MORC3: variants seen among roughly 807,000 people sequenced by gnomAD.
MORC3 encodes the protein MORC family CW-type zinc finger 3, also known as MORC family CW-type zinc finger protein 3.
In MORC3, 31 loss-of-function variants were observed where a neutral mutation model predicts 109.1. That is an observed-to-expected ratio of 0.28 (90% CI 0.21 to 0.38). The LOEUF (loss-of-function observed/expected upper bound fraction) is 0.38. MORC3 is among the 10% of genes least tolerant of loss of function. The pLI is 1.00. For synonymous variants in MORC3, 395 were observed against 380.7 expected, an observed-to-expected ratio of 1.04 and a Z score of -0.44; for missense variants, 867 against 1,135.8, an observed-to-expected ratio of 0.76 and a Z score of 3.40.
intron 1 of MORC3, among the ~76,000 whole-genome samples, chr21:36,321,469 C>G (rs559527188): frequency 6.6e-6 from 1 of 151,204 alleles, no homozygotes; most frequent in South Asian, 2.1e-4. Context: ...AAAGGTCCAT[C>G]CTTTCGTTAT....
chr21:36,358,160 G>A (rs373927878), intron 10 of MORC3, among the ~76,000 whole-genome samples: 1 of 150,590 alleles, frequency 6.6e-6, no homozygotes, highest in Non-Finnish European at 1.5e-5. Flanking sequence ...CGAGGCGGGC[G>A]GATCACTTGA....
intron 14 of MORC3, among the ~76,000 whole-genome samples, chr21:36,367,494 C>G (rs568951635): frequency 2.6e-5 from 4 of 152,084 alleles, no homozygotes; most frequent in African/African-American, 9.7e-5. Flanking sequence ...ATAAATAAAT[C>G]ATTTAGAATG....
intron 1 of MORC3, among the ~76,000 whole-genome samples, chr21:36,320,964 A>G (rs566004175): frequency 5.4e-4 from 83 of 152,324 alleles, no homozygotes; most frequent in African/African-American, 1.9e-3. Flanking sequence ...GTCACACAAG[A>G]TAACTTGAAA....
At chr21:36,344,148 G>T (rs963718411) in intron 6 of MORC3, among the ~76,000 whole-genome samples, 3 of 149,984 alleles carry the variant, frequency 2.0e-5, no homozygotes, top group Admixed American at 6.6e-5. Context: ...TTTTTGAGGT[G>T]GGGGGGTCTC....
chr21:36,365,326 A>ATG (rs2085768153), intron 14 of MORC3, among the ~76,000 whole-genome samples: 1 of 152,198 alleles, frequency 6.6e-6, no homozygotes, highest in Admixed American at 6.5e-5. Context: ...ATTTAATAGA[A>ATG]TGAAGACAAG....
At chr21:36,339,514 AAAAAAAG>A (rs1209510872) in intron 5 of MORC3, 2 of 146,540 alleles carry the variant, frequency 1.4e-5, no homozygotes, top group Non-Finnish European at 3.0e-5. Context: ...AAAAAAAAAA[AAAAAAAG>A]AAAAAAGAAA....
At chr21:36,350,210 G>A (rs1370438874) in intron 9 of MORC3, among the ~76,000 whole-genome samples, 2 of 152,112 alleles carry the variant, frequency 1.3e-5, no homozygotes, top group Non-Finnish European at 2.9e-5. Context: ...AGGAGGCTGA[G>A]GCAGGAGGAT....
chr21:36,373,980 G>A (rs1399476117), intron 16 of MORC3, among the ~76,000 whole-genome samples: 1 of 152,120 alleles, frequency 6.6e-6, no homozygotes, highest in Non-Finnish European at 1.5e-5. Flanking sequence ...AACTTGGAAG[G>A]CATAATTATC....
chr21:36,344,561 T>C lies in MORC3; in HGVS notation c.757-18T>C. On this transcript the variant is annotated intron_variant, in intron 6 of 16. Transcript: ENST00000400485. ...AGCAAACCTGTAGATACTAACTTCT[T>C]GTTATGTTATTTTCCAGGCTTATTG... 1 of 1,609,904 alleles carries C rather than the reference T, an allele frequency of 6.2e-7. No homozygotes were observed. Among genetic ancestry groups the C allele is most frequent in the Non-Finnish European group, 8.5e-7 (1 of 1,178,024 alleles).
intron 9 of MORC3, among the ~76,000 whole-genome samples, chr21:36,356,112 TTACTA>T (rs1479059772): frequency 6.6e-6 from 1 of 152,146 alleles, no homozygotes; most frequent in Admixed American, 6.6e-5. Flanking sequence ...GGCTATGAAA[TTACTA>T]TAATAATATT....
At chr21:36,337,552 C>T (rs1234509278) in intron 3 of MORC3, among the ~76,000 whole-genome samples, 180 bp from the exon 4 acceptor site, 2 of 151,798 alleles carry the variant, frequency 1.3e-5, no homozygotes, top group Non-Finnish European at 2.9e-5. Flanking sequence ...AAATCAACAA[C>T]AACAAAAAAG....
chr21:36,343,864 TAA>T (rs2085479201), intron 6 of MORC3, among the ~76,000 whole-genome samples: 2 of 152,032 alleles, frequency 1.3e-5, no homozygotes, highest in Non-Finnish European at 2.9e-5. Flanking sequence ...ACATTATTAG[TAA>T]TAGTAATAGT....
intron 5 of MORC3, 107 bp downstream of exon 5, chr21:36,339,028 A>G (rs543616033): frequency 9.3e-5 from 120 of 1,297,232 alleles, no homozygotes; most frequent in Admixed American, 6.4e-4. Context: ...ATGGAAAGGT[A>G]CTCATTTTTT....
At chr21:36,335,644 C>T (rs1569091597) in intron 2 of MORC3, among the ~76,000 whole-genome samples, 1 of 152,084 alleles carries the variant, frequency 6.6e-6, no homozygotes, top group East Asian at 1.9e-4. Context: ...CGTATTTCTT[C>T]CTACACCTAT....
chr21:36,349,204 A>G (rs2085545193), intron 8 of MORC3, 107 bp from the exon 9 acceptor site: 3 of 737,008 alleles, frequency 4.1e-6, no homozygotes, highest in Non-Finnish European at 6.6e-6. Context: ...GATGAGAATC[A>G]TACAAGATAA....
At chr21:36,372,282 T>C in intron 15 of MORC3, 92 bp from the exon 16 acceptor site, 3 of 1,127,530 alleles carry the variant, frequency 2.7e-6, no homozygotes, top group Non-Finnish European at 3.6e-6. Context: ...GATAATGTTA[T>C]CAAGCAGGTT....
intron 6 of MORC3, 89 bp downstream of exon 6, chr21:36,341,635 A>T: frequency 3.9e-6 from 6 of 1,539,002 alleles, no homozygotes; most frequent in Non-Finnish European, 5.3e-6. Context: ...TGTGATAGAA[A>T]GGCTGCCAGT....
At chr21:36,370,541 T>G (rs2085843731) in intron 15 of MORC3, among the ~76,000 whole-genome samples, 1 of 150,070 alleles carries the variant, frequency 6.7e-6, no homozygotes, top group South Asian at 2.1e-4. Flanking sequence ...TTTTTCTAGA[T>G]TATGTCTTTC....
At chr21:36,351,767 T>C (rs1375161649) in intron 9 of MORC3, among the ~76,000 whole-genome samples, 15 of 152,196 alleles carry the variant, frequency 9.9e-5, no homozygotes, top group Admixed American at 6.5e-4. Flanking sequence ...CTATGGAGAA[T>C]AGGATGGAGT....
Sources: gnomAD v4.1 joint callset for allele counts (sites outside exome capture counted in the v4.1 genomes callset) on GRCh38, gnomAD v4.1.1 for gene constraint, MANE v1.5 for transcripts, NCBI Gene and HGNC (gene_info 2026-07-23, HGNC 2026-07-21) for gene names.